IMMP2L: variants seen among roughly 807,000 people sequenced by gnomAD.
IMMP2L encodes inner mitochondrial membrane peptidase subunit 2, also known as mitochondrial inner membrane protease subunit 2.
IMMP2L carries 18 observed loss-of-function variants against 19.3 expected under a neutral mutation model. That is an observed-to-expected ratio of 0.93 (90% CI 0.64 to 1.38). The LOEUF (loss-of-function observed/expected upper bound fraction) is 1.38, where lower values mean the gene tolerates loss of function less well. Among genes scored for constraint, IMMP2L ranks in the 40% most tolerant of loss-of-function variants. The probability of loss-of-function intolerance (pLI) is 0.00; values close to 1 mark genes in which losing one functional copy is unlikely to be tolerated. For missense variants in IMMP2L, 233 were observed against 218.2 expected (o/e 1.07, Z -0.43); for synonymous variants, 76 against 73.0 (o/e 1.04, Z -0.21).
intron 3 of IMMP2L, among the ~76,000 whole-genome samples, chr7:111,368,344 G>C (rs937327371): frequency 6.6e-6 from 1 of 151,828 alleles, no homozygotes; most frequent in Non-Finnish European, 1.5e-5. Context: ...TCTTTTAAAG[G>C]CTACTTCCAG....
At chr7:111,151,349 A>G (rs1389560374) in intron 3 of IMMP2L, among the ~76,000 whole-genome samples, 2 of 152,166 alleles carry the variant, frequency 1.3e-5, no homozygotes, top group Admixed American at 6.5e-5. Flanking sequence ...AACAGGTTCA[A>G]TGAAAATACA....
intron 3 of IMMP2L, among the ~76,000 whole-genome samples, chr7:111,218,866 A>T (rs1034325529): frequency 2.6e-5 from 4 of 152,044 alleles, no homozygotes; most frequent in Non-Finnish European, 5.9e-5. Context: ...AGTATAATAA[A>T]TCTTGAAAAT....
In IMMP2L at chr7:111,533,220, C is replaced by T. The variant is rs117730563; in HGVS notation, c.-2-11771G>A. Reference sequence around the variant, plus strand: ...TGCACAAAAAGTCCAGGTATTATAACGAGCCTGTGGTATTACAGCAAATGG... The same window carrying T: ...TGCACAAAAAGTCCAGGTATTATAATGAGCCTGTGGTATTACAGCAAATGG... On this transcript the variant is annotated intron_variant, in intron 1 of 5. Coordinates refer to ENST00000405709, the MANE Select transcript of IMMP2L (RefSeq NM_032549.4). Among the ~76,000 whole-genome samples, 706 of 152,240 alleles carry T rather than the reference C, an allele frequency of 4.6e-3. 2 individuals carry two copies. The highest frequency in any genetic ancestry group is 8.4e-3 in the Non-Finnish European group (571 of 68,014).
intron 2 of IMMP2L, among the ~76,000 whole-genome samples, chr7:111,494,577 A>C (rs780820390): frequency 4.5e-4 from 68 of 152,216 alleles, no homozygotes; most frequent in Non-Finnish European, 8.4e-4. Flanking sequence ...ACAGAAAACT[A>C]TGTTCAAATC....
chr7:111,460,248 GTTTT>G (rs1485080428), intron 3 of IMMP2L, among the ~76,000 whole-genome samples: 1 of 152,072 alleles, frequency 6.6e-6, no homozygotes, highest in Non-Finnish European at 1.5e-5. Context: ...CTCGAATTGA[GTTTT>G]TTAAGAAATT....
chr7:111,148,250 A>G (rs1391932831), intron 3 of IMMP2L, among the ~76,000 whole-genome samples: 3 of 152,152 alleles, frequency 2.0e-5, no homozygotes, highest in Admixed American at 2.0e-4. Flanking sequence ...GAAAGAATCC[A>G]CTCACAATAA....
intron 3 of IMMP2L, among the ~76,000 whole-genome samples, chr7:111,109,154 C>G (rs565612093): frequency 6.6e-6 from 1 of 152,034 alleles, no homozygotes; most frequent in Non-Finnish European, 1.5e-5. Context: ...GAATTAAAGA[C>G]CAAATTAAAG....
At chr7:111,449,919 GACAA>G (rs1432892652) in intron 3 of IMMP2L, among the ~76,000 whole-genome samples, 4 of 135,674 alleles carry the variant, frequency 2.9e-5, no homozygotes, top group South Asian at 2.2e-4. Flanking sequence ...ACCAACAACA[GACAA>G]ACAGAGAGCC....
At chr7:111,526,370 T>C (rs995976094) in intron 1 of IMMP2L, among the ~76,000 whole-genome samples, 1 of 152,214 alleles carries the variant, frequency 6.6e-6, no homozygotes, top group Non-Finnish European at 1.5e-5. Context: ...TATTAAAGTA[T>C]ACCAAAAGAG....
chr7:111,438,557 G>A (rs1357633425), intron 3 of IMMP2L, among the ~76,000 whole-genome samples: 1 of 151,708 alleles, frequency 6.6e-6, no homozygotes, highest in East Asian at 1.9e-4. Context: ...TTTAATTCAA[G>A]GTAAACAATC....
chr7:111,482,750 T>G (rs1264256359), intron 3 of IMMP2L, among the ~76,000 whole-genome samples: 2 of 152,074 alleles, frequency 1.3e-5, no homozygotes, highest in Non-Finnish European at 2.9e-5. Context: ...TCTCCTTTAT[T>G]CAGGGGTTCT....
chr7:110,929,352 T>C (rs1268562505), intron 4 of IMMP2L, among the ~76,000 whole-genome samples: 3 of 152,136 alleles, frequency 2.0e-5, no homozygotes, highest in African/African-American at 7.2e-5. Flanking sequence ...CACTAAGATA[T>C]TTCCCTCCGT....
At chr7:110,851,895 A>C (rs1333568846) in intron 5 of IMMP2L, among the ~76,000 whole-genome samples, 1 of 152,088 alleles carries the variant, frequency 6.6e-6, no homozygotes, top group Non-Finnish European at 1.5e-5. Context: ...ATTTTATTTC[A>C]GTGTCGTTCT....
intron 3 of IMMP2L, among the ~76,000 whole-genome samples, chr7:111,262,342 T>C (rs901991220): frequency 3.3e-5 from 5 of 152,062 alleles, no homozygotes; most frequent in Non-Finnish European, 5.9e-5. Flanking sequence ...AGTAAAGGCC[T>C]GAATGCTAGT....
intron 3 of IMMP2L, among the ~76,000 whole-genome samples, chr7:111,366,555 A>G (rs143018017): frequency 4.3e-4 from 66 of 152,096 alleles, no homozygotes; most frequent in African/African-American, 1.5e-3. Flanking sequence ...TACTAGGTAC[A>G]CTGACAAAAT....
intron 3 of IMMP2L, among the ~76,000 whole-genome samples, chr7:111,226,461 C>G (rs1181257125): frequency 2.6e-5 from 4 of 152,060 alleles, no homozygotes; most frequent in South Asian, 2.1e-4. Flanking sequence ...AGCCACCATG[C>G]CTGGCTGTTT....
rs576114323 is a variant in IMMP2L at position 111,242,307 on chromosome 7, A to C, written c.239+244931T>G. Among the ~76,000 whole-genome samples, 25 of 152,190 alleles carry C rather than the reference A, an allele frequency of 1.6e-4. 1 individual carries two copies. The South Asian group carries it at 5.2e-3, about 32-fold the overall frequency. ...AAGTATATCAGCTAGGAGAAAATCC[A>C]ATCTCTTCCAACGTTATTTATGACA... is the stretch of plus-strand genomic sequence containing the variant. On this transcript the variant is annotated intron_variant, in intron 3 of 5. Coordinates refer to ENST00000405709, the MANE Select transcript of IMMP2L (RefSeq NM_032549.4).
At chr7:111,012,218 G>T (rs1439051159) in intron 3 of IMMP2L, among the ~76,000 whole-genome samples, 2 of 152,064 alleles carry the variant, frequency 1.3e-5, no homozygotes, top group Non-Finnish European at 2.9e-5. Flanking sequence ...CACCATTTCT[G>T]ATGAGATGTC....
intron 5 of IMMP2L, among the ~76,000 whole-genome samples, chr7:110,796,556 A>G (rs1482935978): frequency 6.6e-6 from 1 of 152,088 alleles, no homozygotes; most frequent in Admixed American, 6.6e-5. Flanking sequence ...ATGGTAACTT[A>G]AAACACAATC....
Sources: allele counts gnomAD v4.1 joint callset (sites outside exome capture counted in the v4.1 genomes callset), GRCh38; gene constraint gnomAD v4.1.1; transcripts MANE v1.5; gene names NCBI Gene and HGNC (gene_info 2026-07-23, HGNC 2026-07-21).